The following TTLL5 variants were observed in gnomAD, a reference collection of about 807,000 sequenced individuals.
TTLL5 encodes the protein tubulin polyglutamylase TTLL5.
In TTLL5, 132 loss-of-function variants were observed where a neutral mutation model predicts 168.4. The ratio of observed to expected loss-of-function variants is 0.78; its 90% CI spans 0.68 to 0.91. The LOEUF is 0.91. TTLL5 is among the 40% of genes least tolerant of loss of function. The probability of loss-of-function intolerance (pLI) is 0.00; values close to 1 mark genes in which losing one functional copy is unlikely to be tolerated. For missense variants in TTLL5, 1,545 were observed against 1,581.5 expected (o/e 0.98, Z 0.39); for synonymous variants, 546 against 558.6 (o/e 0.98, Z 0.32).
Position 75,661,267 on chromosome 14 carries a change from T to C in TTLL5, c.-216T>C, listed in dbSNP as rs1292396580. On this transcript the variant is annotated 5_prime_UTR_variant, in exon 1 of 32. Coordinates refer to ENST00000298832, the MANE Select transcript of TTLL5 (RefSeq NM_015072.5). ...GAGCGGGCGGTTGCTTGTTGGTTGT[T>C]GTAGTAACCGGGGAAGCAGCCGTCG... 1 of 152,216 alleles carries C rather than the reference T, an allele frequency of 6.6e-6. No individual in the cohort carries two copies. The highest frequency in any genetic ancestry group is 1.5e-5 in the Non-Finnish European group (1 of 68,054). The allele number at this position is 152,216 out of a possible 1,614,324, so 9.4% of individuals were successfully genotyped here.
chr14:75,666,655 C>T (rs1883286356), intron 2 of TTLL5, among the ~76,000 whole-genome samples: 1 of 151,990 alleles, frequency 6.6e-6, no homozygotes, highest in Non-Finnish European at 1.5e-5. Flanking sequence ...TTAGGTAGGC[C>T]TTGGAGAGTG....
chr14:75,709,070 A>C, intron 9 of TTLL5: 2 of 657,510 alleles, frequency 3.0e-6, no homozygotes, highest in Non-Finnish European at 5.5e-6. Flanking sequence ...TGTGGGCCTC[A>C]GGTTGGACAA....
chr14:75,872,222 C>G (rs536542819), intron 29 of TTLL5, among the ~76,000 whole-genome samples: 1 of 152,162 alleles, frequency 6.6e-6, no homozygotes, highest in Non-Finnish European at 1.5e-5. Context: ...TCAAACTTTC[C>G]TTTCCTTCTC....
chr14:75,702,858 C>A (rs1415006378), intron 7 of TTLL5, among the ~76,000 whole-genome samples: 3 of 152,096 alleles, frequency 2.0e-5, no homozygotes, highest in African/African-American at 4.8e-5. Flanking sequence ...CAGACAGAAG[C>A]CTGGGAGGAT....
At position 75,666,005 on chromosome 14, in the gene TTLL5, T is replaced by G. The variant is rs73307514; in HGVS notation, c.74+2782T>G. Among the ~76,000 whole-genome samples, 801 of 152,386 alleles carry G rather than the reference T, an allele frequency of 5.3e-3. 8 individuals are homozygous for G. Among genetic ancestry groups the G allele is most frequent in the African/African-American group, 0.018 (761 of 41,596 alleles). ...GAAAATAAAGGTGTAATTTTCCCTCTGCTCCCATCCAAATTTATGGACCAC... is the reference window on the plus strand; with the variant it reads ...GAAAATAAAGGTGTAATTTTCCCTCGGCTCCCATCCAAATTTATGGACCAC... On this transcript the variant is annotated intron_variant, in intron 2 of 31. Coordinates refer to ENST00000298832, the MANE Select transcript of TTLL5 (RefSeq NM_015072.5).
At chr14:75,711,386 G>GACAGGAA (rs1178418365) in intron 9 of TTLL5, 4 of 152,154 alleles carry the variant, frequency 2.6e-5, no homozygotes, top group Non-Finnish European at 4.4e-5. Flanking sequence ...GTCAGGGGTG[G>GACAGGAA]ACTCCAAAAA....
chr14:75,802,897 A>G (rs1893407431), intron 27 of TTLL5, among the ~76,000 whole-genome samples: 1 of 152,228 alleles, frequency 6.6e-6, no homozygotes, highest in Non-Finnish European at 1.5e-5. Flanking sequence ...AAAGATAGGC[A>G]GGTAGATGGC....
At chr14:75,689,043 T>C (rs758275561) in intron 5 of TTLL5, among the ~76,000 whole-genome samples, 1 of 152,192 alleles carries the variant, frequency 6.6e-6, no homozygotes, top group Non-Finnish European at 1.5e-5. Flanking sequence ...ACAGAAGTGA[T>C]TATCGCTTCT....
chr14:75,740,597 G>A (rs997387724), intron 15 of TTLL5, among the ~76,000 whole-genome samples: 2 of 152,078 alleles, frequency 1.3e-5, no homozygotes, highest in Non-Finnish European at 2.9e-5. Context: ...TGTTACACAA[G>A]CCTACTTGCT....
chr14:75,937,121 C>CTT (rs2034455710), intron 31 of TTLL5, among the ~76,000 whole-genome samples: 1 of 75,896 alleles, frequency 1.3e-5, no homozygotes, highest in African/African-American at 5.7e-5. Context: ...AGTACATTTA[C>CTT]ATTTTTTTTT....
In TTLL5 at chr14:75,912,622, C is replaced by T. The variant is rs566168065; in HGVS notation, c.3823+10398C>T. 2.0e-5 allele frequency among the ~76,000 whole-genome samples: 3 copies of T among 152,164 alleles called. No homozygotes were observed. In the South Asian group the frequency reaches 6.2e-4, roughly 32 times the overall value. ...CTAATAGGCAGGGCAAACAGGGAAA[C>T]ATGATAAATTGGAGTATATAGTTCT... On this transcript the variant is annotated intron_variant, in intron 31 of 31. Coordinates refer to ENST00000298832, the MANE Select transcript of TTLL5 (RefSeq NM_015072.5).
chr14:75,935,961 C>T (rs917500390), intron 31 of TTLL5, among the ~76,000 whole-genome samples: 25 of 151,984 alleles, frequency 1.6e-4, no homozygotes, highest in Non-Finnish European at 2.9e-4. Context: ...AAGAGAAAAC[C>T]CTTGAAGAAA....
At chr14:75,813,270 T>TTGTGTGTGTGTG (rs58821426) in intron 27 of TTLL5, among the ~76,000 whole-genome samples, 2 of 130,728 alleles carry the variant, frequency 1.5e-5, no homozygotes, top group East Asian at 2.2e-4. Flanking sequence ...GTGTGTGTGT[T>TTGTGTGTGTGTG]TGTGTGTGTG....
intron 28 of TTLL5, among the ~76,000 whole-genome samples, chr14:75,844,557 TTAACC>T (rs939437809): frequency 3.9e-5 from 6 of 152,212 alleles, no homozygotes; most frequent in Non-Finnish European, 8.8e-5. Context: ...TCCTTAGGCC[TTAACC>T]TAACCCTCAG....
intron 29 of TTLL5, among the ~76,000 whole-genome samples, chr14:75,871,091 G>A (rs1011059315): frequency 1.6e-4 from 24 of 152,056 alleles, no homozygotes; most frequent in African/African-American, 2.2e-4. Flanking sequence ...CACCACGCCC[G>A]GCCTATGCTT....
intron 3 of TTLL5, among the ~76,000 whole-genome samples, chr14:75,678,974 G>C (rs553255083): frequency 2.2e-4 from 34 of 152,124 alleles, no homozygotes; most frequent in Admixed American, 4.6e-4. Flanking sequence ...TATAGTTTTT[G>C]TAAAATGGTG....
intron 15 of TTLL5, among the ~76,000 whole-genome samples, chr14:75,743,825 C>T (rs1450193086): frequency 6.6e-6 from 1 of 152,044 alleles, no homozygotes; most frequent in Non-Finnish European, 1.5e-5. Context: ...TTGTGATCTG[C>T]CCACCTTGGC....
At chr14:75,773,543 A>G (rs1159056429) in intron 21 of TTLL5, among the ~76,000 whole-genome samples, 1 of 152,194 alleles carries the variant, frequency 6.6e-6, no homozygotes, top group East Asian at 1.9e-4. Context: ...CTACAAGAAT[A>G]TTGAGGATCA....
chr14:75,740,903 G>A (rs142119795), intron 15 of TTLL5, among the ~76,000 whole-genome samples: 28 of 152,284 alleles, frequency 1.8e-4, no homozygotes, highest in Admixed American at 3.3e-4. Flanking sequence ...TTCTTTGCAT[G>A]TGTTCTCTGT....
Sources: allele counts gnomAD v4.1 joint callset (sites outside exome capture counted in the v4.1 genomes callset), GRCh38; gene constraint gnomAD v4.1.1; transcripts MANE v1.5; gene names NCBI Gene and HGNC (gene_info 2026-07-23, HGNC 2026-07-21).